CREB5: variants seen among roughly 807,000 people sequenced by gnomAD.
The protein encoded by CREB5 is cAMP responsive element binding protein 5.
In CREB5, 19 loss-of-function variants were observed where a neutral mutation model predicts 57.1. The observed-to-expected ratio is 0.33, with a 90% CI of 0.23 to 0.49. CREB5 has a LOEUF of 0.49. Ranked by LOEUF, CREB5 falls within the 20% of genes least tolerant of loss-of-function variation. The pLI, the probability that CREB5 is intolerant of heterozygous loss-of-function variation, is 0.99. For missense variants in CREB5, 579 were observed against 671.6 expected, an observed-to-expected ratio of 0.86 and a Z score of 1.52; for synonymous variants, 238 against 238.3, an observed-to-expected ratio of 1.00 and a Z score of 0.01.
chr7:28,415,315 C>T (rs1394135000), intron 1 of CREB5, among the ~76,000 whole-genome samples: 2 of 152,152 alleles, frequency 1.3e-5, no homozygotes, highest in African/African-American at 4.8e-5. Context: ...CCCTGGCTCA[C>T]CCAAGGCCCA....
intron 1 of CREB5, among the ~76,000 whole-genome samples, chr7:28,414,145 T>G (rs959780100): frequency 6.6e-6 from 1 of 152,142 alleles, no homozygotes; most frequent in African/African-American, 2.4e-5. Context: ...TTGTCATCTT[T>G]TCTTTCTTCT....
At chr7:28,580,804 G>A (rs537433786) in intron 5 of CREB5, among the ~76,000 whole-genome samples, 1 of 152,124 alleles carries the variant, frequency 6.6e-6, no homozygotes, top group East Asian at 1.9e-4. Flanking sequence ...ACAAAGGCCC[G>A]ACCAATCACC....
At chr7:28,370,509 G>T (rs1786684932) in intron 1 of CREB5, among the ~76,000 whole-genome samples, 1 of 152,166 alleles carries the variant, frequency 6.6e-6, no homozygotes, top group Admixed American at 6.5e-5. Flanking sequence ...TTGCACAAAA[G>T]TGTGAGCCTC....
intron 1 of CREB5, among the ~76,000 whole-genome samples, chr7:28,356,842 C>T (rs573873745): frequency 2.4e-4 from 36 of 152,244 alleles, no homozygotes; most frequent in South Asian, 4.1e-4. Context: ...TGTCGTCAGC[C>T]GGAGCTAAGT....
intron 1 of CREB5, among the ~76,000 whole-genome samples, chr7:28,434,363 G>A (rs1369746894): frequency 6.6e-6 from 1 of 151,802 alleles, no homozygotes; most frequent in Non-Finnish European, 1.5e-5. Context: ...AATTTTAATC[G>A]AATGCCAAAA....
rs1787173580 is a variant in CREB5 at position 28,389,524 on chromosome 7, T to C, written c.-25+90083T>C. Among the ~76,000 whole-genome samples, 2 of 152,158 alleles carry C rather than the reference T, an allele frequency of 1.3e-5. 1 individual carries two copies. Among genetic ancestry groups the C allele is most frequent in the South Asian group, 4.1e-4 (2 of 4,824 alleles). The stretch of plus-strand genomic sequence containing the variant: ...ATTTTTCTTCAATTTAATCTTGTCC[T>C]CAGATGGTGTTCACCTTACTTAGCC... On this transcript the variant is annotated intron_variant, in intron 1 of 9. Coordinates refer to the CREB5 transcript ENST00000396299.
chr7:28,390,679 G>C (rs1468356716), intron 1 of CREB5, among the ~76,000 whole-genome samples: 2 of 152,124 alleles, frequency 1.3e-5, no homozygotes, highest in Non-Finnish European at 2.9e-5. Context: ...CATTTTAAGG[G>C]ACCATAGGAT....
At chr7:28,476,055 G>C (rs1791056716) in intron 1 of CREB5, among the ~76,000 whole-genome samples, 2 of 152,146 alleles carry the variant, frequency 1.3e-5, no homozygotes, top group Admixed American at 1.3e-4. Flanking sequence ...CAACGCAGTG[G>C]AATGAAAAAC....
intron 1 of CREB5, among the ~76,000 whole-genome samples, chr7:28,323,602 C>T (rs1176250072): frequency 6.6e-6 from 1 of 152,068 alleles, no homozygotes; most frequent in Non-Finnish European, 1.5e-5. Flanking sequence ...CCTCCTGTGT[C>T]ACTCACTGTA....
intron 4 of CREB5, among the ~76,000 whole-genome samples, chr7:28,558,074 C>G (rs1794945823): frequency 6.6e-6 from 1 of 152,186 alleles, no homozygotes; most frequent in Non-Finnish European, 1.5e-5. Flanking sequence ...GTATTATCCC[C>G]TGTGCTACAT....
chr7:28,380,610 G>A (rs918785791), intron 1 of CREB5, among the ~76,000 whole-genome samples: 1 of 152,196 alleles, frequency 6.6e-6, no homozygotes, highest in African/African-American at 2.4e-5. Flanking sequence ...CCGAGGGGTG[G>A]GTTGTGGGGA....
At chr7:28,534,201 A>G (rs1793859056) in intron 4 of CREB5, among the ~76,000 whole-genome samples, 1 of 152,188 alleles carries the variant, frequency 6.6e-6, no homozygotes, top group Non-Finnish European at 1.5e-5. Context: ...AGAATTTCCC[A>G]CTGGCTCTTG....
chr7:28,657,946 CTGAT>C (rs1220353771), intron 5 of CREB5, among the ~76,000 whole-genome samples: 4 of 152,142 alleles, frequency 2.6e-5, no homozygotes, highest in Admixed American at 1.3e-4. Context: ...ACAGAGAACA[CTGAT>C]TGAACAAAAT....
chr7:28,788,729 G>T (rs565440429), intron 7 of CREB5, among the ~76,000 whole-genome samples: 2 of 152,090 alleles, frequency 1.3e-5, no homozygotes, highest in African/African-American at 4.8e-5. Flanking sequence ...AGGAGGAAAT[G>T]AAGCAAGTGT....
chr7:28,580,426 C>G (rs1405953563), intron 5 of CREB5, among the ~76,000 whole-genome samples: 1 of 111,864 alleles, frequency 8.9e-6, no homozygotes, highest in Non-Finnish European at 1.8e-5. Flanking sequence ...CAATCCCCCC[C>G]CACCACACAC....
In CREB5 at chr7:28,822,774, G is replaced by T. The variant is rs115807590; in HGVS notation, c.*3495G>T. 6.6e-6 allele frequency: 1 copy of T among 152,614 alleles called. No homozygotes were observed. Among genetic ancestry groups the T allele is most frequent in the South Asian group, 2.1e-4 (1 of 4,824 alleles). The allele number at this position is 152,614 out of a possible 1,614,324, so 9.5% of individuals were successfully genotyped here. On this transcript the variant is annotated 3_prime_UTR_variant, in exon 11 of 11. Transcript: ENST00000357727. Reference sequence around the variant, plus strand: ...TTTCTCAATCCACGAAGCCAGGAGAGGTAGAGTGAAAATCCCAGCCATGGA... The same window carrying T: ...TTTCTCAATCCACGAAGCCAGGAGATGTAGAGTGAAAATCCCAGCCATGGA...
intron 4 of CREB5, among the ~76,000 whole-genome samples, chr7:28,523,525 A>G (rs1043192352): frequency 1.3e-5 from 2 of 152,218 alleles, no homozygotes; most frequent in African/African-American, 4.8e-5. Context: ...TCGTGTGTAC[A>G]GTAGAAACAG....
upstream of CREB5, chr7:28,409,933 C>A (rs564427250): frequency 8.8e-6 from 4 of 453,826 alleles, no homozygotes; most frequent in East Asian, 2.1e-4. The surrounding 1 kb of genome is among the most constrained non-coding windows in gnomAD (Gnocchi z 4.4). Context: ...GAAGTGCGGT[C>A]AAGCGGCAGC....
chr7:28,648,495 G>A (rs868815281), intron 5 of CREB5, among the ~76,000 whole-genome samples: 1 of 152,090 alleles, frequency 6.6e-6, no homozygotes, highest in Admixed American at 6.6e-5. Flanking sequence ...CAGCATTTTG[G>A]GAGGCTTAGG....
Sources: gnomAD v4.1 joint callset for allele counts (sites outside exome capture counted in the v4.1 genomes callset) on GRCh38, gnomAD v4.1.1 for gene constraint, Gnocchi (gnomAD v3.1) non-coding constraint, MANE v1.5 for transcripts, NCBI Gene and HGNC (gene_info 2026-07-23, HGNC 2026-07-21) for gene names.